The following CD82 variants were observed in gnomAD, a reference collection of about 807,000 sequenced individuals.
The protein encoded by CD82 is CD82 antigen.
In CD82, 36 loss-of-function variants were observed where a neutral mutation model predicts 37.4. The ratio of observed to expected loss-of-function variants is 0.96; its 90% CI spans 0.74 to 1.27. The LOEUF is 1.27. Ranked by LOEUF, CD82 falls within the 50% of genes most tolerant of loss-of-function variation. The pLI is 0.00. For synonymous variants in CD82, 158 were observed against 137.4 expected (o/e 1.15, Z -1.05); for missense variants, 340 against 347.0 (o/e 0.98, Z 0.16).
intron 2 of CD82, among the ~76,000 whole-genome samples, chr11:44,593,205 G>T (rs141524580): frequency 1.6e-3 from 245 of 152,356 alleles, no homozygotes; most frequent in African/African-American, 5.7e-3. Flanking sequence ...CCTGTGTGTA[G>T]CCGGGGAAAT....
rs774627225 is a variant in CD82 at position 44,605,040 on chromosome 11, ACTT to A, written c.137-10_137-8del. 1.1e-5 allele frequency: 18 copies of A among 1,614,060 alleles called. No homozygotes were observed. Among genetic ancestry groups the A allele is most frequent in the South Asian group, 3.3e-5 (3 of 91,072 alleles). On this transcript the variant is annotated splice_polypyrimidine_tract_variant and intron_variant, in intron 4 of 9. Coordinates refer to ENST00000227155, the MANE Select transcript of CD82 (RefSeq NM_002231.4). ...TACCTGCTGTGCCCACTGATTTTGTACTTCTTCTTCCCCCTAGAAACCTCCTCC... is the reference window on the plus strand; with the variant it reads ...TACCTGCTGTGCCCACTGATTTTGTACTTCTTCCCCCTAGAAACCTCCTCC...
At chr11:44,581,737 G>T (rs1054496976) in intron 1 of CD82, among the ~76,000 whole-genome samples, 4 of 152,218 alleles carry the variant, frequency 2.6e-5, no homozygotes, top group African/African-American at 9.6e-5. Flanking sequence ...CCCTGGGAGG[G>T]CAGCCCCTCA....
intron 1 of CD82, 45 bp downstream of exon 1, chr11:44,565,781 T>C (rs1297221486): frequency 6.6e-6 from 1 of 152,296 alleles, no homozygotes; most frequent in Non-Finnish European, 1.5e-5. Flanking sequence ...CGGACAACCA[T>C]AGGCAAAGTT....
At chr11:44,612,108 A>T (rs1853490514) in intron 6 of CD82, among the ~76,000 whole-genome samples, 1 of 152,232 alleles carries the variant, frequency 6.6e-6, no homozygotes, top group South Asian at 2.1e-4. Flanking sequence ...TGGACCCGAG[A>T]TGTCAGATCA....
chr11:44,576,894 G>A (rs1852900639), intron 1 of CD82, among the ~76,000 whole-genome samples: 1 of 152,114 alleles, frequency 6.6e-6, no homozygotes, highest in African/African-American at 2.4e-5. Context: ...GCAGTTGAGG[G>A]ATGGTACAAG....
At chr11:44,618,534 C>T in intron 8 of CD82, 106 bp from the exon 9 acceptor site, 1 of 1,117,020 alleles carries the variant, frequency 9.0e-7, no homozygotes, top group Non-Finnish European at 1.3e-6. Flanking sequence ...CAGGCAGAGC[C>T]CTCTGTAGGG....
rs563312134 is a variant in CD82, at chr11:44,589,982, C to T, written c.-21+2426C>T. On this transcript the variant is annotated intron_variant, in intron 2 of 9. Transcript: ENST00000227155. ...CCAAGTAGCTGGGACTACAGGCGCCCGCCACCACGCCTGGCTAATTTTTTG... is the reference window on the plus strand; with the variant it reads ...CCAAGTAGCTGGGACTACAGGCGCCTGCCACCACGCCTGGCTAATTTTTTG... Among the ~76,000 whole-genome samples the T allele has an allele frequency of 6.5e-3, 988 of 152,114 alleles. 10 individuals carry two copies. Among genetic ancestry groups the T allele is most frequent in the Non-Finnish European group, 9.4e-3 (637 of 68,004 alleles).
At chr11:44,600,882 T>C (rs1270944627) in intron 4 of CD82, among the ~76,000 whole-genome samples, 1 of 152,226 alleles carries the variant, frequency 6.6e-6, no homozygotes, top group East Asian at 1.9e-4. Flanking sequence ...ACACAGCTTC[T>C]AAATGGTAGG....
chr11:44,614,525 T>G lies in CD82; in HGVS notation c.337-747T>G, dbSNP rs190422459. On this transcript the variant is annotated intron_variant, in intron 6 of 9. Transcript: ENST00000227155. ...GGGACCCTGTAGTGAGCGTGCCAGA[T>G]GTGGTCCCTGCCCCCACGGAGCTGA... 6.2e-4 allele frequency among the ~76,000 whole-genome samples: 95 copies of G among 152,354 alleles called. 1 individual carries two copies. In the East Asian group the frequency reaches 0.017, roughly 27 times the overall value.
chr11:44,582,146 G>C (rs1852988501), intron 1 of CD82, among the ~76,000 whole-genome samples: 1 of 151,632 alleles, frequency 6.6e-6, no homozygotes, highest in Admixed American at 6.6e-5. Flanking sequence ...TGTGTGACCA[G>C]GGCCAGTGCC....
chr11:44,590,723 C>T (rs1314136904), intron 2 of CD82, among the ~76,000 whole-genome samples: 1 of 151,702 alleles, frequency 6.6e-6, no homozygotes, highest in Non-Finnish European at 1.5e-5. Flanking sequence ...CCTGGTTCCA[C>T]ACCAACCCTT....
rs999972617 is a variant in CD82 at position 44,609,533 on chromosome 11, C to A, written c.336+4104C>A. On this transcript the variant is annotated intron_variant, in intron 6 of 9. Coordinates refer to ENST00000227155, the MANE Select transcript of CD82 (RefSeq NM_002231.4). ...AGTGGCAGTGGCTGGCCAGACAACT[C>A]CCCAGAGATGTTGGTCAGGGGAACT... 2.6e-5 allele frequency among the ~76,000 whole-genome samples: 4 copies of A among 152,250 alleles called. 1 individual carries two copies. Among genetic ancestry groups the A allele is most frequent in the Middle Eastern group, 6.8e-3 (2 of 294 alleles).
chr11:44,574,014 T>C (rs565534984), intron 1 of CD82, among the ~76,000 whole-genome samples: 2 of 152,200 alleles, frequency 1.3e-5, no homozygotes, highest in African/African-American at 2.4e-5. Flanking sequence ...GGGGAAATGA[T>C]AGGGAGTCTT....
At chr11:44,617,349 A>G (rs1853579030) in intron 7 of CD82, among the ~76,000 whole-genome samples, 1 of 152,174 alleles carries the variant, frequency 6.6e-6, no homozygotes, top group Non-Finnish European at 1.5e-5. Context: ...ACTTGAGGTC[A>G]GGAGGTCAAG....
intron 1 of CD82, among the ~76,000 whole-genome samples, chr11:44,576,490 G>A (rs1852892945): frequency 6.6e-6 from 1 of 152,204 alleles, no homozygotes; most frequent in Non-Finnish European, 1.5e-5. Context: ...GTCCTGTTCT[G>A]GAGGGAGCCG....
chr11:44,603,497 A>C (rs1219258084), intron 4 of CD82, among the ~76,000 whole-genome samples: 1 of 152,116 alleles, frequency 6.6e-6, no homozygotes, highest in Non-Finnish European at 1.5e-5. Flanking sequence ...CTCAGTGCTT[A>C]GGGGAGCAGA....
chr11:44,588,644 C>A (rs914142441), intron 2 of CD82, among the ~76,000 whole-genome samples: 5 of 152,126 alleles, frequency 3.3e-5, no homozygotes, highest in South Asian at 2.1e-4. Context: ...TCCAAGGCAG[C>A]CTGATGCCAG....
intron 1 of CD82, among the ~76,000 whole-genome samples, chr11:44,579,522 T>TATC (rs886175027): frequency 3.3e-5 from 5 of 152,122 alleles, no homozygotes; most frequent in African/African-American, 1.2e-4. Context: ...CCCTTGAGTC[T>TATC]ATCTGTGTCT....
In CD82 at chr11:44,588,799, G is replaced by T. The variant is rs75265834; in HGVS notation, c.-21+1243G>T. On this transcript the variant is annotated intron_variant, in intron 2 of 9. Coordinates refer to ENST00000227155, the MANE Select transcript of CD82 (RefSeq NM_002231.4). ...GGCTGGAGTAGGAAGTTTCCTGGAG[G>T]TGGTGATTTTGGAGGTGAGTGTTAA... 2.0e-5 allele frequency among the ~76,000 whole-genome samples: 3 copies of T among 152,324 alleles called. 1 individual carries two copies. The South Asian group carries it at 6.2e-4, about 32-fold the overall frequency.
Sources: gnomAD v4.1 joint callset for allele counts (sites outside exome capture counted in the v4.1 genomes callset) on GRCh38, gnomAD v4.1.1 for gene constraint, MANE v1.5 for transcripts, NCBI Gene and HGNC (gene_info 2026-07-23, HGNC 2026-07-21) for gene names.